Variants in HK3 observed in about 807,000 individuals in gnomAD.
HK3 encodes hexokinase 3.
In HK3, 93 loss-of-function variants were observed where a neutral mutation model predicts 91.0. The ratio of observed to expected loss-of-function variants is 1.02; its 90% CI spans 0.86 to 1.21. The LOEUF is 1.21. Ranked by LOEUF, HK3 falls within the 50% of genes most tolerant of loss-of-function variation. The pLI, the probability that HK3 is intolerant of heterozygous loss-of-function variation, is 0.00. For missense variants in HK3, 1,235 were observed against 1,247.4 expected, an observed-to-expected ratio of 0.99 and a Z score of 0.15; for synonymous variants, 519 against 516.9, an observed-to-expected ratio of 1.00 and a Z score of -0.06.
Position 176,881,733 on chromosome 5 carries a change from G to C in HK3, c.2352C>G (p.Thr784=). The change falls in exon 17 of 19, where the codon ACC becomes ACG. Residue 784 remains threonine (T), a synonymous_variant. Coordinates refer to ENST00000292432, the MANE Select transcript of HK3 (RefSeq NM_002115.3). ...FRGQQIQRLQ[T]RDIFKTKFLS... ...GGAACTTGGTCTTGAAGATGTCCCT[G>C]GTCTGAAGGCGCTGGATCTGCTGGC... 6.2e-7 allele frequency: 1 copy of C among 1,614,152 alleles called. No homozygotes were observed. Among genetic ancestry groups the C allele is most frequent in the Non-Finnish European group, 8.5e-7 (1 of 1,180,034 alleles).
At chr5:176,896,271 G>C in intron 1 of HK3, 86 bp from the exon 2 acceptor site, 1 of 607,156 alleles carries the variant, frequency 1.6e-6, no homozygotes, top group Non-Finnish European at 2.8e-6. Flanking sequence ...CCTTCCTTCT[G>C]AAGGGGACCA....
Position 176,883,756 on chromosome 5 carries a change from A to AG in HK3, c.2053+13dup. ...CCAAGCAGTAGGGGCATGAAAGGGC[A>AG]GGGCCCTCCTCACCGACAATGAGGC... On this transcript the variant is annotated intron_variant, in intron 15 of 18. Coordinates refer to ENST00000292432, the MANE Select transcript of HK3 (RefSeq NM_002115.3). The AG allele has an allele frequency of 6.3e-7, 1 of 1,593,510 alleles. No homozygotes were observed. Among genetic ancestry groups the AG allele is most frequent in the Non-Finnish European group, 8.6e-7 (1 of 1,161,600 alleles).
Position 176,891,488 on chromosome 5 carries a change from G to A in HK3, c.159C>T (p.Ser53=). Residue 53 remains serine, a synonymous_variant, in exon 3 of 19, where the codon AGC becomes AGT. Transcript: ENST00000292432. ...GCGCCTGCTCCATGGAACCCAAGAGGCTGGCTTGGATCTGCTGTAGCTGTG... is the reference window on the plus strand; with the variant it reads ...GCGCCTGCTCCATGGAACCCAAGAGACTGGCTTGGATCTGCTGTAGCTGTG... ...TRAQLQQIQA[S]LLGSMEQALR... is the part of the protein sequence containing the mutation. 2 of 1,614,156 alleles carry A rather than the reference G, an allele frequency of 1.2e-6. No individual in the cohort carries two copies. The highest frequency in any genetic ancestry group is 1.3e-5 in the African/African-American group (1 of 75,068).
chr5:176,884,291 T>C lies in HK3; in HGVS notation c.1858-157A>G, dbSNP rs1758525821. 6.6e-6 allele frequency among the ~76,000 whole-genome samples: 1 copy of C among 152,240 alleles called. No individual in the cohort carries two copies. Among genetic ancestry groups the C allele is most frequent in the Admixed American group, 6.5e-5 (1 of 15,280 alleles). On this transcript the variant is annotated intron_variant, in intron 13 of 18. Transcript: ENST00000292432. The surrounding 1 kb of genome is among the most constrained non-coding windows in gnomAD (Gnocchi z 4.1). ...CTGTATGGTTGAAGGCCTTGCCCTC[T>C]GCCCGCTCCCTACTCCCCAGGAGGC...
intron 2 of HK3, among the ~76,000 whole-genome samples, chr5:176,892,380 G>C (rs767392142): frequency 7.2e-5 from 11 of 152,146 alleles, no homozygotes; most frequent in Non-Finnish European, 1.5e-4. Flanking sequence ...GAAGAGCAAG[G>C]GGATGGATTT....
chr5:176,898,460 G>A (rs772674358), intron 1 of HK3, among the ~76,000 whole-genome samples: 7 of 152,138 alleles, frequency 4.6e-5, no homozygotes, highest in Admixed American at 3.3e-4. Flanking sequence ...GGTAACTGGG[G>A]CAATTACCTT....
rs113003473 is a variant in HK3, at chr5:176,894,986, C to G, written c.96+1078G>C. 9.0e-3 allele frequency among the ~76,000 whole-genome samples: 1,372 copies of G among 151,672 alleles called. 22 individuals carry two copies. Among genetic ancestry groups the G allele is most frequent in the African/African-American group, 0.031 (1,281 of 41,284 alleles). On this transcript the variant is annotated intron_variant, in intron 2 of 18. Transcript: ENST00000292432. ...TACAGACAGGGTTTCACCGTGTTAGCCAGGATGGTCTTGATCTCCTGACCT... is the reference window on the plus strand; with the variant it reads ...TACAGACAGGGTTTCACCGTGTTAGGCAGGATGGTCTTGATCTCCTGACCT...
At chr5:176,881,243 C>A (rs377250696) in intron 18 of HK3, 26 bp from the exon 19 acceptor site, 1,135 of 1,613,174 alleles carry the variant, frequency 7.0e-4, no homozygotes, top group Non-Finnish European at 8.9e-4. Context: ...TGAGGTGAGC[C>A]CAGGCCACCA....
At chr5:176,883,675 A>G in intron 15 of HK3, 95 bp downstream of exon 15, 1 of 992,748 alleles carries the variant, frequency 1.0e-6, no homozygotes, top group Non-Finnish European at 1.6e-6. Flanking sequence ...GCAATCCCAC[A>G]TCCCCACCGC....
At chr5:176,889,800 T>C in intron 6 of HK3, 56 bp from the exon 7 acceptor site, 3 of 1,467,050 alleles carry the variant, frequency 2.0e-6, no homozygotes, top group Non-Finnish European at 2.9e-6. Context: ...GAGGAGGGAA[T>C]CCAGGGGATG....
rs1339356749 is a variant in HK3, at chr5:176,881,127, A to G, written c.2718T>C (p.Gly906=). ...AGGCAACAGCGGTGACCAGGGCCGC[A>G]CCTTTGCCGGACCCATCCTCTGACT... ...FLQSEDGSGK[G]AALVTAVACR... is the part of the protein sequence containing the mutation. Residue 906 remains glycine (G), a synonymous_variant, in exon 19 of 19, where the codon GGT becomes GGC. Transcript: ENST00000292432. The G allele has an allele frequency of 1.2e-6, 2 of 1,612,878 alleles. No individual in the cohort carries two copies. The highest frequency in any genetic ancestry group is 1.7e-6 in the Non-Finnish European group (2 of 1,179,870).
rs778816240 is a variant in HK3 at position 176,887,230 on chromosome 5, C to T, written c.1708G>A (p.Glu570Lys). 4.0e-5 allele frequency: 65 copies of T among 1,614,098 alleles called. 2 individuals carry two copies. In the South Asian group the frequency reaches 5.8e-4, roughly 14 times the overall value. Reference sequence around the variant, plus strand: ...TGCCCAGAACCCTGGGCCACAGTCTCGGGAATGGAGTAGATCTCGCTGGTG... The same window carrying T: ...TGCCCAGAACCCTGGGCCACAGTCTTGGGAATGGAGTAGATCTCGCTGGTG... ...QITSEIYSIP[E>K]TVAQGSGQQL... The change falls in exon 12 of 19, where the codon GAG (glutamate) becomes AAG (lysine). Residue 570 changes from glutamate to lysine, a missense_variant. Physicochemically the swap from Glu to Lys is moderately conservative, Grantham distance 56. Around this residue, in one of 3 missense-constraint regions of HK3, gnomAD observed 5 missense variants for 18.4 expected, o/e 0.27. Coordinates refer to ENST00000292432, the MANE Select transcript of HK3 (RefSeq NM_002115.3). The surrounding 1 kb of genome is among the most constrained non-coding windows in gnomAD (Gnocchi z 4.9).
chr5:176,881,926 C>T lies in HK3; in HGVS notation c.2237+18G>A. 2 of 1,612,974 alleles carry T rather than the reference C, an allele frequency of 1.2e-6. No homozygotes were observed. Among genetic ancestry groups the T allele is most frequent in the Non-Finnish European group, 1.7e-6 (2 of 1,179,306 alleles). On this transcript the variant is annotated intron_variant, in intron 16 of 18. Coordinates refer to ENST00000292432, the MANE Select transcript of HK3 (RefSeq NM_002115.3). ...CACCGGTCACAGCCAGCCACCACTG[C>T]CTGGGCCCAGCCCACACCTCTGCTT...
Position 176,886,931 on chromosome 5 carries a change from C to T in HK3, c.1857+71G>A, listed in dbSNP as rs1359852020. On this transcript the variant is annotated intron_variant, in intron 13 of 18. Coordinates refer to ENST00000292432, the MANE Select transcript of HK3 (RefSeq NM_002115.3). ...CACCGCCCAGCCTTTTCCCCTGCCT[C>T]CTGCCCACTCCATGAAGGGTATGTG... 1.9e-6 allele frequency: 3 copies of T among 1,581,582 alleles called. No individual in the cohort carries two copies. In the African/African-American group the frequency reaches 4.0e-5, roughly 21 times the overall value.
intron 13 of HK3, among the ~76,000 whole-genome samples, chr5:176,885,486 A>G (rs888553981): frequency 6.6e-6 from 1 of 152,194 alleles, no homozygotes; most frequent in African/African-American, 2.4e-5. Flanking sequence ...CAATGGCACA[A>G]TCTCAGCTCA....
intron 1 of HK3, among the ~76,000 whole-genome samples, chr5:176,898,649 GCT>G (rs1436944993): frequency 1.3e-5 from 2 of 152,184 alleles, no homozygotes; most frequent in African/African-American, 4.8e-5. Flanking sequence ...AATGTATTCA[GCT>G]CTGTCTCTTC....
In HK3 at chr5:176,891,127, C is replaced by T; in HGVS notation, c.324G>A (p.Val108=). Residue 108 remains valine, a synonymous_variant, in exon 4 of 19, where the codon GTG becomes GTA. Coordinates refer to ENST00000292432, the MANE Select transcript of HK3 (RefSeq NM_002115.3). ...TATGCCCCTCAATGCCAGTTAGAGT[C>T]ACCCACAAAACACGCAGTGAGGCCC... ...ATGASLRVLW[V]TLTGIEGHRV... is the part of the protein sequence containing the mutation. The T allele has an allele frequency of 6.2e-7, 1 of 1,614,162 alleles. No individual in the cohort carries two copies. The highest frequency in any genetic ancestry group is 8.5e-7 in the Non-Finnish European group (1 of 1,180,042).
At chr5:176,882,359 A>G (rs1180309095) in intron 15 of HK3, among the ~76,000 whole-genome samples, 1 of 152,120 alleles carries the variant, frequency 6.6e-6, no homozygotes, top group Non-Finnish European at 1.5e-5. Flanking sequence ...CCATCAGTGC[A>G]TCCACCATGC....
Position 176,883,807 on chromosome 5 carries a change from G to A in HK3, c.2016C>T (p.Gly672=), listed in dbSNP as rs771143869. The part of the protein sequence containing the change: ...NDTVGTMMSC[G]YEDPRCEIGL... ...CTATCTCGCAACGGGGGTCCTCATA[G>A]CCACAGGACATCATGGTCCCCACCG... Residue 672 remains glycine, a synonymous_variant, in exon 15 of 19, where the codon GGC becomes GGT. Coordinates refer to ENST00000292432, the MANE Select transcript of HK3 (RefSeq NM_002115.3). The A allele has an allele frequency of 6.2e-6, 10 of 1,613,920 alleles. No homozygotes were observed. Among genetic ancestry groups the A allele is most frequent in the South Asian group, 1.1e-5 (1 of 91,092 alleles).
Sources: allele counts gnomAD v4.1 joint callset (sites outside exome capture counted in the v4.1 genomes callset), GRCh38; gene constraint gnomAD v4.1.1; regional missense constraint gnomAD v4.1.1; non-coding constraint Gnocchi (gnomAD v3.1); transcripts MANE v1.5; gene names NCBI Gene and HGNC (gene_info 2026-07-23, HGNC 2026-07-21).